Variants in CCR3 observed in about 807,000 individuals in gnomAD.
CCR3 encodes the protein C-C motif chemokine receptor 3.
For missense variants in CCR3, 419 were observed against 437.5 expected (o/e 0.96, Z 0.38); for synonymous variants, 203 against 179.2 (o/e 1.13, Z -1.06).
chr3:46,246,689 G>C (rs544289402), intron 1 of CCR3, among the ~76,000 whole-genome samples: 1 of 152,170 alleles, frequency 6.6e-6, no homozygotes, highest in Admixed American at 6.5e-5. Context: ...AAGTCACAGG[G>C]GATGGGATAG....
chr3:46,230,194 A>G (rs1174503418), intron 2 of CCR3, among the ~76,000 whole-genome samples: 1 of 152,220 alleles, frequency 6.6e-6, no homozygotes, highest in Admixed American at 6.5e-5. Context: ...ACCAATATCC[A>G]TGACACTCTC....
intron 2 of CCR3, among the ~76,000 whole-genome samples, chr3:46,231,376 T>C (rs1699964887): frequency 6.6e-6 from 1 of 152,270 alleles, no homozygotes; most frequent in African/African-American, 2.4e-5. Flanking sequence ...CAAAACACTT[T>C]ATTACTCAGG....
rs1700555081 is a variant in CCR3, at chr3:46,262,978, T to A, written c.-11-2170T>A. Among the ~76,000 whole-genome samples the A allele has an allele frequency of 2.0e-5, 3 of 152,208 alleles. No homozygotes were observed. In the South Asian group the frequency reaches 6.2e-4, roughly 31 times the overall value. The stretch of plus-strand genomic sequence containing the variant: ...CCCATATGAGATTTTCTGTCTCTGA[T>A]CCCATGCAGCTAGTAATCAAGGACT... On this transcript the variant is annotated intron_variant, in intron 1 of 1. Coordinates refer to ENST00000395940, the MANE Select transcript of CCR3 (RefSeq NM_178329.3).
chr3:46,237,372 C>T (rs1394578848), intron 2 of CCR3, among the ~76,000 whole-genome samples: 2 of 152,126 alleles, frequency 1.3e-5, no homozygotes, highest in Non-Finnish European at 2.9e-5. Flanking sequence ...ATAGATTTCT[C>T]CCATTCTACA....
At chr3:46,215,120 T>C (rs1575483219) in intron 2 of CCR3, among the ~76,000 whole-genome samples, 1 of 152,136 alleles carries the variant, frequency 6.6e-6, no homozygotes, top group Non-Finnish European at 1.5e-5. Flanking sequence ...ATCCTTGTAC[T>C]CCAAACCTAA....
chr3:46,248,203 CA>C (rs1348561883), intron 1 of CCR3, among the ~76,000 whole-genome samples: 1 of 151,974 alleles, frequency 6.6e-6, no homozygotes, highest in Non-Finnish European at 1.5e-5. Flanking sequence ...AAGTCCGGGC[CA>C]GGAATGATGG....
At chr3:46,234,431 T>C (rs1700001587) in intron 2 of CCR3, among the ~76,000 whole-genome samples, 1 of 152,118 alleles carries the variant, frequency 6.6e-6, no homozygotes, top group African/African-American at 2.4e-5. Flanking sequence ...AAACATCAGA[T>C]CCAAGATCTC....
chr3:46,214,839 T>G (rs1699755707), intron 2 of CCR3, among the ~76,000 whole-genome samples: 1 of 152,064 alleles, frequency 6.6e-6, no homozygotes. Context: ...AAGCAGACAC[T>G]GGGGGGCAGG....
chr3:46,256,264 A>T (rs565671730), intron 1 of CCR3, among the ~76,000 whole-genome samples: 1 of 152,202 alleles, frequency 6.6e-6, no homozygotes, highest in Admixed American at 6.5e-5. Flanking sequence ...TTCATTTATT[A>T]TTACATCTGG....
At chr3:46,236,283 T>G (rs1226673156) in intron 2 of CCR3, among the ~76,000 whole-genome samples, 2 of 152,312 alleles carry the variant, frequency 1.3e-5, no homozygotes, top group East Asian at 3.9e-4. Flanking sequence ...TCTGACCTTG[T>G]GCCCCTCATG....
At chr3:46,241,166 G>GCTCTCTCC (rs1700078675), upstream of CCR3, among the ~76,000 whole-genome samples, 1 of 149,208 alleles carries the variant, frequency 6.7e-6, no homozygotes. Context: ...ATGTGTGTGC[G>GCTCTCTCC]CTCTCTCTCT....
At chr3:46,226,716 G>A (rs936931093) in intron 2 of CCR3, among the ~76,000 whole-genome samples, 6 of 151,988 alleles carry the variant, frequency 3.9e-5, no homozygotes, top group African/African-American at 1.4e-4. Flanking sequence ...TCCTTGCTTT[G>A]TTCTTGATCT....
At chr3:46,231,331 G>A (rs1447381352) in intron 2 of CCR3, among the ~76,000 whole-genome samples, 2 of 152,224 alleles carry the variant, frequency 1.3e-5, no homozygotes, top group Non-Finnish European at 2.9e-5. Flanking sequence ...GACTTTCTGA[G>A]AATCCTGATC....
intron 1 of CCR3, among the ~76,000 whole-genome samples, chr3:46,247,119 ATTAT>A (rs1225323536): frequency 2.0e-5 from 3 of 152,154 alleles, no homozygotes; most frequent in African/African-American, 7.2e-5. Context: ...GCCAGCAAAG[ATTAT>A]TTATTTACTT....
intron 1 of CCR3, among the ~76,000 whole-genome samples, chr3:46,252,301 G>A (rs149742003): frequency 0.014 from 2,125 of 148,782 alleles, 54 homozygotes; most frequent in African/African-American, 0.049. Context: ...TCAGCCTCCC[G>A]AGTAGCTGGA....
intron 2 of CCR3, among the ~76,000 whole-genome samples, chr3:46,211,379 G>GTATA (rs34807299): frequency 4.1e-4 from 53 of 127,762 alleles, no homozygotes; most frequent in Admixed American, 2.5e-3. Context: ...GAAAAAATAT[G>GTATA]TATATATATA....
chr3:46,236,452 C>T (rs537588590), intron 2 of CCR3, among the ~76,000 whole-genome samples: 1 of 152,364 alleles, frequency 6.6e-6, no homozygotes, highest in African/African-American at 2.4e-5. Context: ...GGAAGTCCTG[C>T]TGACACTGTT....
At chr3:46,240,040 C>T (rs1034008106), upstream of CCR3, among the ~76,000 whole-genome samples, 3 of 152,194 alleles carry the variant, frequency 2.0e-5, no homozygotes, top group African/African-American at 7.2e-5. Flanking sequence ...TCCATGCCCA[C>T]TACCTCTGCC....
chr3:46,230,056 C>T (rs939177504), intron 2 of CCR3, among the ~76,000 whole-genome samples: 2 of 152,068 alleles, frequency 1.3e-5, no homozygotes, highest in Non-Finnish European at 2.9e-5. Context: ...TGGGCAAAAC[C>T]ACTCCAGTAG....
Sources: gnomAD v4.1 joint callset for allele counts (sites outside exome capture counted in the v4.1 genomes callset) on GRCh38, gnomAD v4.1.1 for gene constraint, MANE v1.5 for transcripts, NCBI Gene and HGNC (gene_info 2026-07-23, HGNC 2026-07-21) for gene names.